USP26: variants seen among roughly 807,000 people sequenced by gnomAD.
The protein encoded by USP26 is ubiquitin carboxyl-terminal hydrolase 26.
For synonymous variants in USP26, 236 were observed against 240.6 expected, an observed-to-expected ratio of 0.98 and a Z score of 0.18; for missense variants, 649 against 642.3, an observed-to-expected ratio of 1.01 and a Z score of -0.11.
chrX:133,033,942 T>C (rs1045387962), intron 5 of USP26, among the ~76,000 whole-genome samples: 1 of 112,366 alleles, frequency 8.9e-6, no homozygotes, highest in African/African-American at 3.2e-5. Flanking sequence ...ATGTATTTTC[T>C]GCTATCTTAG....
chrX:133,031,495 A>C (rs2067376334), intron 5 of USP26, among the ~76,000 whole-genome samples: 1 of 111,698 alleles, frequency 9.0e-6, no homozygotes, highest in African/African-American at 3.3e-5. Context: ...TGGATTTCTT[A>C]AGACAGGCCA....
At chrX:133,084,514 T>TC (rs1238558682) in intron 4 of USP26, among the ~76,000 whole-genome samples, 2 of 27,334 alleles carry the variant, frequency 7.3e-5, no homozygotes, top group African/African-American at 1.9e-4. Flanking sequence ...CAGAACTTCT[T>TC]TTTTTTTTTT....
rs775470908 is a variant in USP26 at position 133,084,648 on chromosome X, G to A, written c.-141-877C>T. ...CCTGCCTCAGCCTCCCAAAGTGCTA[G>A]GATTACAGGCATGAGCCACCGTGCC... On this transcript the variant is annotated intron_variant, in intron 4 of 5. Transcript: ENST00000511190. Among the ~76,000 whole-genome samples, 4 of 110,270 alleles carry A rather than the reference G, an allele frequency of 3.6e-5. No individual in the cohort carries two copies. In the East Asian group the frequency reaches 8.6e-4, roughly 24 times the overall value.
intron 5 of USP26, among the ~76,000 whole-genome samples, chrX:133,041,770 C>T (rs893150441): frequency 4.5e-5 from 5 of 112,176 alleles, no homozygotes; most frequent in African/African-American, 9.7e-5. Context: ...TCTTCAGAGC[C>T]GGCAGGCAGG....
chrX:133,084,922 T>C (rs1370585013), intron 4 of USP26, among the ~76,000 whole-genome samples: 1 of 109,940 alleles, frequency 9.1e-6, no homozygotes, highest in Non-Finnish European at 1.9e-5. Flanking sequence ...GTCTCCTAAG[T>C]CCATTGTATC....
intron 5 of USP26, among the ~76,000 whole-genome samples, chrX:133,075,670 A>G (rs1454090781): frequency 9.0e-6 from 1 of 111,634 alleles, no homozygotes; most frequent in Non-Finnish European, 1.9e-5. Flanking sequence ...TCCCAGAGTT[A>G]TAGGAGGAGG....
intron 4 of USP26, among the ~76,000 whole-genome samples, chrX:133,085,998 A>C (rs2067587276): frequency 9.0e-6 from 1 of 110,953 alleles, no homozygotes; most frequent in South Asian, 3.9e-4. Flanking sequence ...TGTGTGTGTG[A>C]GTGCACCTGG....
chrX:133,076,666 G>T (rs1284620459), intron 5 of USP26, among the ~76,000 whole-genome samples: 1 of 112,108 alleles, frequency 8.9e-6, no homozygotes, highest in Non-Finnish European at 1.9e-5. Flanking sequence ...GAAACTAGCT[G>T]CCATGTTGGG....
chrX:133,045,204 G>C (rs908414943), intron 5 of USP26, among the ~76,000 whole-genome samples: 3 of 111,783 alleles, frequency 2.7e-5, no homozygotes, highest in Non-Finnish European at 5.6e-5. Flanking sequence ...GTCTAGCTCA[G>C]GGTTTGTAAA....
chrX:133,078,927 T>C (rs2067560407), intron 5 of USP26, among the ~76,000 whole-genome samples: 1 of 112,358 alleles, frequency 8.9e-6, no homozygotes, highest in African/African-American at 3.2e-5. Context: ...AGGTCATTCT[T>C]GCACAGGAAG....
chrX:133,080,111 T>C (rs2067564868), intron 5 of USP26, among the ~76,000 whole-genome samples: 1 of 111,648 alleles, frequency 9.0e-6, no homozygotes, highest in African/African-American at 3.3e-5. Context: ...GTGGATAGTC[T>C]GATGAAGTTC....
In USP26 at chrX:133,027,750, C is replaced by T. The variant is rs780411982; in HGVS notation, c.471G>A (p.Arg157=). ...AKGSGTGVLQ[R]MPLLTSKLTL... ...TCAATTTTGATGTAAGCAAAGGCAT[C>T]CTCTGAAGGACACCTGTCCCACTTC... is the stretch of plus-strand genomic sequence containing the variant. Residue 157 remains arginine (R), a synonymous_variant, in exon 6 of 6, where the codon AGG becomes AGA. Transcript: ENST00000511190. 2.5e-6 allele frequency: 3 copies of T among 1,209,674 alleles called. No homozygotes were observed. The highest frequency in any genetic ancestry group is 3.5e-5 in the African/African-American group (2 of 57,782).
At chrX:133,086,133 CA>C (rs1202746924) in intron 4 of USP26, among the ~76,000 whole-genome samples, 1 of 111,632 alleles carries the variant, frequency 9.0e-6, no homozygotes, top group African/African-American at 3.3e-5. Context: ...TGAATGAATA[CA>C]AAATATTGTA....
chrX:133,036,922 T>C (rs2067397969), intron 5 of USP26, among the ~76,000 whole-genome samples: 2 of 112,881 alleles, frequency 1.8e-5, no homozygotes, highest in Admixed American at 1.9e-4. Context: ...ATTTCTCTAA[T>C]GACCAGTGAT....
intron 5 of USP26, among the ~76,000 whole-genome samples, chrX:133,032,737 T>C (rs1456371707): frequency 9.0e-6 from 1 of 110,817 alleles, no homozygotes; most frequent in East Asian, 2.9e-4. Flanking sequence ...GAGAAAAAAA[T>C]GATTATAAGT....
chrX:133,063,627 C>T (rs936435400), intron 5 of USP26, among the ~76,000 whole-genome samples: 2 of 111,382 alleles, frequency 1.8e-5, no homozygotes, highest in Non-Finnish European at 3.8e-5. Flanking sequence ...TCCAGACAAA[C>T]TAAGGTTCAC....
chrX:133,074,291 T>C (rs926898456), intron 5 of USP26, among the ~76,000 whole-genome samples: 1 of 112,469 alleles, frequency 8.9e-6, no homozygotes, highest in Non-Finnish European at 1.9e-5. Flanking sequence ...AGAACATATA[T>C]GGTCCTGTGT....
chrX:133,045,764 C>G (rs771935834), intron 5 of USP26: 1 of 112,604 alleles, frequency 8.9e-6, no homozygotes, highest in Non-Finnish European at 1.9e-5. Context: ...AGACACGCAG[C>G]CTTTAAGAAC....
chrX:133,023,286 G>A lies in USP26; in HGVS notation c.*2193C>T, dbSNP rs768229044. ...TTGCAGCCATGATCCTCCCTGTCAT[G>A]GATACCCCTACCATCTTCTTCACAT... On this transcript the variant is annotated 3_prime_UTR_variant, in exon 6 of 6. Coordinates refer to ENST00000511190, the MANE Select transcript of USP26 (RefSeq NM_031907.3). Among the ~76,000 whole-genome samples, 3 of 111,632 alleles carry A rather than the reference G, an allele frequency of 2.7e-5. No individual in the cohort carries two copies. In the East Asian group the frequency reaches 8.5e-4, roughly 32 times the overall value.
Sources: gnomAD v4.1 joint callset for allele counts (sites outside exome capture counted in the v4.1 genomes callset) on GRCh38, gnomAD v4.1.1 for gene constraint, MANE v1.5 for transcripts, NCBI Gene and HGNC (gene_info 2026-07-23, HGNC 2026-07-21) for gene names.